The following ROBO1 variants were observed in gnomAD, a reference collection of about 807,000 sequenced individuals.
ROBO1 encodes roundabout homolog 1.
A neutral mutation model predicts 195.9 loss-of-function variants in ROBO1; 149 were observed. The observed-to-expected ratio is 0.76, with a 90% confidence interval of 0.67 to 0.87. ROBO1 has a LOEUF of 0.87. ROBO1 is among the 40% of genes least tolerant of loss of function. The pLI is 0.00. For synonymous variants in ROBO1, 816 were observed against 733.2 expected, an observed-to-expected ratio of 1.11 and a Z score of -1.82; for missense variants, 1,933 against 2,068.3, an observed-to-expected ratio of 0.93 and a Z score of 1.27.
At chr3:79,058,415 A>ATAC (rs1279119590) in intron 3 of ROBO1, among the ~76,000 whole-genome samples, 1 of 151,980 alleles carries the variant, frequency 6.6e-6, no homozygotes, top group East Asian at 1.9e-4. Flanking sequence ...GCCTCGTATG[A>ATAC]TACTCCCCAT....
chr3:79,337,292 C>T (rs1300161959), intron 2 of ROBO1, among the ~76,000 whole-genome samples: 1 of 152,138 alleles, frequency 6.6e-6, no homozygotes, highest in Non-Finnish European at 1.5e-5. Flanking sequence ...TGTTCCCACC[C>T]ACAATCTCAT....
At chr3:79,285,315 T>C (rs1211628855) in intron 2 of ROBO1, among the ~76,000 whole-genome samples, 1 of 152,246 alleles carries the variant, frequency 6.6e-6, no homozygotes, top group African/African-American at 2.4e-5. Flanking sequence ...AACCAACCTC[T>C]GCAATGTTTT....
At chr3:79,752,755 A>AT (rs774739561) in intron 1 of ROBO1, among the ~76,000 whole-genome samples, 4 of 152,178 alleles carry the variant, frequency 2.6e-5, no homozygotes, top group Non-Finnish European at 5.9e-5. Context: ...CCGCTACAAA[A>AT]TTCCACACAG....
chr3:79,020,607 G>A (rs921254620), intron 3 of ROBO1, among the ~76,000 whole-genome samples: 2 of 152,182 alleles, frequency 1.3e-5, no homozygotes, highest in African/African-American at 4.8e-5. Context: ...CAGAAGAATT[G>A]CTTGAGCCCA....
intron 2 of ROBO1, among the ~76,000 whole-genome samples, chr3:79,349,222 C>T (rs1037400962): frequency 1.3e-5 from 2 of 152,082 alleles, no homozygotes; most frequent in Non-Finnish European, 2.9e-5. Context: ...CTATGAGGAT[C>T]AACTTGAAGT....
In ROBO1 at chr3:79,762,160, A is replaced by G. The variant is rs569695667; in HGVS notation, c.-51+5592T>C. Among the ~76,000 whole-genome samples the G allele has an allele frequency of 2.3e-3, 350 of 152,278 alleles. 2 individuals are homozygous for G. Among genetic ancestry groups the G allele is most frequent in the African/African-American group, 8.0e-3 (333 of 41,562 alleles). On this transcript the variant is annotated intron_variant, in intron 1 of 30. Transcript: ENST00000464233. ...CTTTTCTCATAGTTTTAGAGGCTGG[A>G]AAGTCCAATATCAAGGCGCTGGAAG...
chr3:78,780,203 T>G (rs1019753976), intron 4 of ROBO1, among the ~76,000 whole-genome samples: 2 of 152,142 alleles, frequency 1.3e-5, no homozygotes, highest in Non-Finnish European at 2.9e-5. Flanking sequence ...CGTGTATACC[T>G]GTATAACAAA....
chr3:79,634,127 C>T (rs886318503), intron 1 of ROBO1, among the ~76,000 whole-genome samples: 1 of 152,160 alleles, frequency 6.6e-6, no homozygotes, highest in Non-Finnish European at 1.5e-5. Flanking sequence ...TGTGAACAGT[C>T]TGATTATTTC....
chr3:79,099,722 G>T (rs1003913707), intron 3 of ROBO1, among the ~76,000 whole-genome samples: 1 of 151,756 alleles, frequency 6.6e-6, no homozygotes, highest in South Asian at 2.1e-4. Flanking sequence ...GCAGAGAAGT[G>T]TTGTAATTTA....
At chr3:78,700,764 CTTTTTTT>C (rs71127355) in intron 8 of ROBO1, among the ~76,000 whole-genome samples, 1 of 144,416 alleles carries the variant, frequency 6.9e-6, no homozygotes, top group African/African-American at 2.6e-5. Flanking sequence ...ATCTTTTTTT[CTTTTTTT>C]TTTTTTTTTG....
At chr3:79,471,754 CA>C (rs1203988910) in intron 2 of ROBO1, among the ~76,000 whole-genome samples, 1 of 151,968 alleles carries the variant, frequency 6.6e-6, no homozygotes, top group African/African-American at 2.4e-5. Flanking sequence ...ACTATGCAGC[CA>C]TAAAAAAGGA....
intron 3 of ROBO1, among the ~76,000 whole-genome samples, chr3:79,061,701 TC>T (rs1256858744): frequency 6.6e-6 from 1 of 151,922 alleles, no homozygotes; most frequent in Admixed American, 6.6e-5. Flanking sequence ...ACACTACACA[TC>T]TACAACCATC....
intron 3 of ROBO1, among the ~76,000 whole-genome samples, chr3:79,034,192 C>T (rs960702426): frequency 3.9e-5 from 6 of 152,148 alleles, no homozygotes; most frequent in African/African-American, 1.2e-4. Context: ...ATGATGTAAA[C>T]ATATTTTTTT....
At chr3:78,817,667 A>G (rs1463523856) in intron 4 of ROBO1, among the ~76,000 whole-genome samples, 1 of 152,248 alleles carries the variant, frequency 6.6e-6, no homozygotes, top group African/African-American at 2.4e-5. Context: ...AAGAAGATTT[A>G]CATGGAAATA....
chr3:78,951,425 A>G (rs1248678714), intron 3 of ROBO1, among the ~76,000 whole-genome samples: 1 of 152,150 alleles, frequency 6.6e-6, no homozygotes, highest in African/African-American at 2.4e-5. Context: ...GTAATAAGAT[A>G]CAAAATTTCT....
intron 2 of ROBO1, among the ~76,000 whole-genome samples, chr3:79,170,922 T>C (rs2081154023): frequency 6.6e-6 from 1 of 152,024 alleles, no homozygotes; most frequent in Non-Finnish European, 1.5e-5. Flanking sequence ...TATATATACC[T>C]TTCCTTCATT....
chr3:79,249,920 G>T (rs202166951), intron 2 of ROBO1, among the ~76,000 whole-genome samples: 1 of 152,154 alleles, frequency 6.6e-6, no homozygotes, highest in Non-Finnish European at 1.5e-5. Flanking sequence ...GGGTGCCAAA[G>T]AAGCCACAAA....
chr3:79,352,703 C>T (rs1284209503), intron 2 of ROBO1, among the ~76,000 whole-genome samples: 2 of 152,108 alleles, frequency 1.3e-5, no homozygotes, highest in Non-Finnish European at 2.9e-5. Context: ...AGCCAGTGAT[C>T]TGTTTTTCTA....
At chr3:79,033,108 GATT>G (rs2078325100) in intron 3 of ROBO1, among the ~76,000 whole-genome samples, 2 of 151,932 alleles carry the variant, frequency 1.3e-5, no homozygotes, top group African/African-American at 2.4e-5. Flanking sequence ...CTGAAAAGTT[GATT>G]ATTTTACATA....
Sources: allele counts gnomAD v4.1 joint callset (sites outside exome capture counted in the v4.1 genomes callset), GRCh38; gene constraint gnomAD v4.1.1; transcripts MANE v1.5; gene names NCBI Gene and HGNC (gene_info 2026-07-23, HGNC 2026-07-21).